Variants in NXN observed in about 807,000 individuals in gnomAD.
NXN encodes nucleoredoxin 1.
Under a neutral mutation model 48.6 loss-of-function variants are expected in NXN, and 16 were observed. That is an observed-to-expected ratio of 0.33 (90% CI 0.22 to 0.50). The LOEUF is 0.50. Among genes scored for constraint, NXN ranks in the 20% least tolerant of loss-of-function variants. NXN has a pLI of 0.98. For missense variants in NXN, 492 were observed against 605.5 expected (o/e 0.81, Z 1.97); for synonymous variants, 281 against 269.6 (o/e 1.04, Z -0.41).
chr17:873,853 G>C (rs1232391503), intron 1 of NXN, among the ~76,000 whole-genome samples: 1 of 152,114 alleles, frequency 6.6e-6, no homozygotes, highest in Non-Finnish European at 1.5e-5. Flanking sequence ...GTGAGTGAGG[G>C]AGTGGGGGAA....
chr17:831,763 G>A (rs1913485617), intron 1 of NXN, among the ~76,000 whole-genome samples: 1 of 151,754 alleles, frequency 6.6e-6, no homozygotes, highest in South Asian at 2.1e-4. Context: ...GCCTCCCAAA[G>A]TGCTGGGATT....
intron 1 of NXN, among the ~76,000 whole-genome samples, chr17:829,397 C>T (rs1459898208): frequency 1.3e-5 from 2 of 151,546 alleles, no homozygotes; most frequent in African/African-American, 4.8e-5. Context: ...TCAGGTGATC[C>T]GCCCACCTCG....
At chr17:891,662 C>T (rs2068417816) in intron 1 of NXN, among the ~76,000 whole-genome samples, 1 of 152,214 alleles carries the variant, frequency 6.6e-6, no homozygotes, top group African/African-American at 2.4e-5. Context: ...ACATCAGAGA[C>T]TGTACTTAGT....
At chr17:910,476 G>A (rs902910133) in intron 1 of NXN, among the ~76,000 whole-genome samples, 12 of 151,656 alleles carry the variant, frequency 7.9e-5, no homozygotes, top group African/African-American at 2.4e-4. Context: ...TCCAAATGCT[G>A]TAGGATATAT....
chr17:810,158 G>T (rs1911878189), intron 5 of NXN, among the ~76,000 whole-genome samples: 1 of 115,516 alleles, frequency 8.7e-6, no homozygotes. Flanking sequence ...TGACTGGCGT[G>T]CACGTTACGA....
In NXN at chr17:843,292, G is replaced by T. The variant is rs1257731966; in HGVS notation, c.361-17214C>A. 2.0e-5 allele frequency among the ~76,000 whole-genome samples: 3 copies of T among 152,378 alleles called. No homozygotes were observed. The East Asian group carries it at 5.8e-4, about 29-fold the overall frequency. On this transcript the variant is annotated intron_variant, in intron 1 of 7. Coordinates refer to ENST00000336868, the MANE Select transcript of NXN (RefSeq NM_022463.5). ...TCTCATCTGTAACACCAATTAAGGA[G>T]GTTCATTGACTGTGCCATTCGACTT...
intron 1 of NXN, among the ~76,000 whole-genome samples, chr17:861,642 G>A (rs945908739): frequency 1.3e-5 from 2 of 152,140 alleles, no homozygotes; most frequent in Non-Finnish European, 2.9e-5. Flanking sequence ...GCAAGCAAAT[G>A]CTTACACGAT....
In NXN at chr17:825,947, G is replaced by C. The variant is rs1258259734; in HGVS notation, c.478+14C>G. ...GGGTAATAAGAGGACCATATGCACG[G>C]GCTGAGGTTTTACCTTCTGGGTCAT... On this transcript the variant is annotated intron_variant, in intron 2 of 7. Transcript: ENST00000336868. The surrounding 1 kb of genome is among the most constrained non-coding windows in gnomAD (Gnocchi z 4.1). 14 of 1,556,782 alleles carry C rather than the reference G, an allele frequency of 9.0e-6. No individual in the cohort carries two copies. The highest frequency in any genetic ancestry group is 1.2e-5 in the Non-Finnish European group (14 of 1,132,722).
chr17:933,434 G>C (rs1229783308), intron 1 of NXN: 1 of 152,130 alleles, frequency 6.6e-6, no homozygotes, highest in Non-Finnish European at 1.5e-5. Context: ...GTGGGGGAAG[G>C]GGAAGAACTG....
At chr17:882,744 C>T (rs943298398) in intron 1 of NXN, among the ~76,000 whole-genome samples, 25 of 150,386 alleles carry the variant, frequency 1.7e-4, no homozygotes, top group Non-Finnish European at 2.9e-5. Flanking sequence ...GGATTATAGG[C>T]GTTAGCCACC....
At chr17:885,805 C>T (rs1343832822) in intron 1 of NXN, among the ~76,000 whole-genome samples, 1 of 150,836 alleles carries the variant, frequency 6.6e-6, no homozygotes, top group African/African-American at 2.4e-5. Context: ...CTCAGCCTCC[C>T]GAGTAGCTGG....
intron 1 of NXN, among the ~76,000 whole-genome samples, chr17:854,970 A>AG (rs2067970144): frequency 6.6e-6 from 1 of 151,966 alleles, no homozygotes. Context: ...AAAAAAAAAA[A>AG]GACTTTAAAA....
intron 1 of NXN, among the ~76,000 whole-genome samples, chr17:910,245 C>G (rs1230107554): frequency 6.6e-6 from 1 of 152,058 alleles, no homozygotes; most frequent in Non-Finnish European, 1.5e-5. Flanking sequence ...GACCCTGTCT[C>G]TACTAAAAAT....
Position 877,171 on chromosome 17 carries a change from G to A in NXN, c.361-51093C>T, listed in dbSNP as rs143310756. On this transcript the variant is annotated intron_variant, in intron 1 of 7. Transcript: ENST00000336868. Reference sequence around the variant, plus strand: ...GACGGTGTTGTTTTTTTTTGGAGACGGAGTCTCACTCTGTCGCCCAGGCTG... The same window carrying A: ...GACGGTGTTGTTTTTTTTTGGAGACAGAGTCTCACTCTGTCGCCCAGGCTG... 1.7e-4 allele frequency among the ~76,000 whole-genome samples: 26 copies of A among 150,904 alleles called. No homozygotes were observed. In the Middle Eastern group the frequency reaches 0.01, roughly 60 times the overall value.
intron 1 of NXN, among the ~76,000 whole-genome samples, chr17:909,098 CAAAAAAAAAAAAAAA>C (rs59822805): frequency 3.1e-4 from 36 of 117,386 alleles, no homozygotes; most frequent in Non-Finnish European, 5.3e-4. Context: ...GACTTCGTCT[CAAAAAAAAAAAAAAA>C]AAAAAAAAAA....
intron 1 of NXN, among the ~76,000 whole-genome samples, chr17:861,361 T>C (rs2068038491): frequency 6.6e-6 from 1 of 152,202 alleles, no homozygotes; most frequent in Non-Finnish European, 1.5e-5. Context: ...CTTGAACTCC[T>C]GAACTCAGGT....
rs1913405509 is a variant in NXN at position 830,654 on chromosome 17, G to A, written c.361-4576C>T. ...ACCACATCGTCAAGGCCCCGTGGAC[G>A]ACAGCAAAAATAACAGGTCACAGGG... is the stretch of plus-strand genomic sequence containing the variant. On this transcript the variant is annotated intron_variant, in intron 1 of 7. Transcript: ENST00000336868. This position sits in a 1 kb window ranked among gnomAD's most constrained non-coding sequence, Gnocchi z 4.2. Among the ~76,000 whole-genome samples, 1 of 152,122 alleles carries A rather than the reference G, an allele frequency of 6.6e-6. No homozygotes were observed. The highest frequency in any genetic ancestry group is 1.5e-5 in the Non-Finnish European group (1 of 68,014).
intron 1 of NXN, among the ~76,000 whole-genome samples, chr17:884,959 A>G (rs2068326769): frequency 6.6e-6 from 1 of 152,196 alleles, no homozygotes; most frequent in African/African-American, 2.4e-5. Context: ...GAGAATGACC[A>G]AGGTGTAAAT....
At chr17:940,756 C>T (rs977355082) in intron 1 of NXN, among the ~76,000 whole-genome samples, 1 of 150,684 alleles carries the variant, frequency 6.6e-6, no homozygotes, top group Admixed American at 6.6e-5. Flanking sequence ...CAGGGCGCAG[C>T]CATGAATTCA....
Sources: gnomAD v4.1 joint callset for allele counts (sites outside exome capture counted in the v4.1 genomes callset) on GRCh38, gnomAD v4.1.1 for gene constraint, Gnocchi (gnomAD v3.1) non-coding constraint, MANE v1.5 for transcripts, NCBI Gene and HGNC (gene_info 2026-07-23, HGNC 2026-07-21) for gene names.